Variants in IFT172 observed in about 807,000 individuals in gnomAD.
The protein encoded by IFT172 is intraflagellar transport protein 172 homolog.
In IFT172, 164 loss-of-function variants were observed where a neutral mutation model predicts 248.9. The ratio of observed to expected loss-of-function variants is 0.66; its 90% confidence interval spans 0.58 to 0.75. The LOEUF (loss-of-function observed/expected upper bound fraction) is 0.75. Ranked by LOEUF, IFT172 falls within the 30% of genes least tolerant of loss-of-function variation. The probability of loss-of-function intolerance (pLI) is 0.00; values close to 1 mark genes in which losing one functional copy is unlikely to be tolerated. For missense variants in IFT172, 1,950 were observed against 2,192.4 expected, an observed-to-expected ratio of 0.89 and a Z score of 2.21; for synonymous variants, 729 against 791.6, an observed-to-expected ratio of 0.92 and a Z score of 1.33.
Position 27,445,650 on chromosome 2 carries a change from G to A in IFT172, c.4914+95C>T. The A allele has an allele frequency of 1.4e-6, 2 of 1,465,630 alleles. No individual in the cohort carries two copies. Among genetic ancestry groups the A allele is most frequent in the Non-Finnish European group, 1.9e-6 (2 of 1,056,580 alleles). The allele number at this position is 1,465,630 out of a possible 1,614,324, so 90.8% of individuals were successfully genotyped here. A position where few individuals can be genotyped will look rare whatever the true frequency, so the allele number is the denominator to read the frequency against. ...TTTCACTGAAAAAACAGTGAGGGCT[G>A]AGGTCCTTCCAAAGATGGCAGCACA... is the stretch of plus-strand genomic sequence containing the variant. On this transcript the variant is annotated intron_variant, in intron 45 of 47. Transcript: ENST00000260570. This position sits in a 1 kb window ranked among gnomAD's most constrained non-coding sequence, Gnocchi z 4.4.
At chr2:27,453,881 T>A (rs918414737) in intron 33 of IFT172, 101 bp downstream of exon 33, 132 of 1,430,580 alleles carry the variant, frequency 9.2e-5, no homozygotes, top group Non-Finnish European at 1.2e-4. Context: ...TCCCCAATAC[T>A]AACCTCCCTG....
intron 14 of IFT172, 125 bp downstream of exon 14, chr2:27,476,516 G>A: frequency 3.1e-6 from 2 of 646,732 alleles, no homozygotes; most frequent in East Asian, 2.7e-5. Flanking sequence ...CACTGTACAT[G>A]TGGAGTTACT....
chr2:27,466,073 G>C, intron 16 of IFT172, 191 bp from the exon 17 acceptor site: 1 of 652,950 alleles, frequency 1.5e-6, no homozygotes, highest in Middle Eastern at 4.0e-4. Flanking sequence ...TTGGGTTAAA[G>C]TATACTCCTA....
chr2:27,469,603 G>A (rs143257537), intron 16 of IFT172, among the ~76,000 whole-genome samples: 62 of 152,270 alleles, frequency 4.1e-4, no homozygotes, highest in African/African-American at 1.4e-3. Flanking sequence ...AGGCCAAGGC[G>A]GGTGGATCAC....
Position 27,458,242 on chromosome 2 carries a change from A to G in IFT172, c.2878-19T>C. 2 of 1,606,594 alleles carry G rather than the reference A, an allele frequency of 1.2e-6. No homozygotes were observed. ...TCGCCAGCTGTGGAGGCACAGAGGC[A>G]AGGCAGCCTCAGATCCAATTCCCCA... On this transcript the variant is annotated intron_variant, in intron 26 of 47. Transcript: ENST00000260570.
chr2:27,453,775 A>G, intron 33 of IFT172, 36 bp from the exon 34 acceptor site: 1 of 1,578,262 alleles, frequency 6.3e-7, no homozygotes. Context: ...GGGCAGAGGC[A>G]GGCCTGACAG....
At chr2:27,487,088 G>A (rs897362670) in intron 1 of IFT172, among the ~76,000 whole-genome samples, 7 of 151,818 alleles carry the variant, frequency 4.6e-5, no homozygotes, top group East Asian at 1.9e-4. Context: ...GGCTATAGGC[G>A]TGTGCTACCA....
At chr2:27,476,314 A>G (rs1667949397) in intron 14 of IFT172, among the ~76,000 whole-genome samples, 1 of 152,148 alleles carries the variant, frequency 6.6e-6, no homozygotes, top group South Asian at 2.1e-4. Flanking sequence ...TCCATCATCT[A>G]GGCTGGAGTG....
At chr2:27,456,436 A>T in intron 30 of IFT172, 75 bp downstream of exon 30, 2 of 1,528,270 alleles carry the variant, frequency 1.3e-6, no homozygotes, top group East Asian at 2.3e-5. Flanking sequence ...TCTTTCAGTT[A>T]TACATCAATT....
rs1665424999 is a variant in IFT172, at chr2:27,449,094, G to A, written c.4312-63C>T. Reference sequence around the variant, plus strand: ...GATCGGCAAGACCAAGCAGTGAGGTGACTTGAGGCCATGTATTTGTTGAGG... The same window carrying A: ...GATCGGCAAGACCAAGCAGTGAGGTAACTTGAGGCCATGTATTTGTTGAGG... On this transcript the variant is annotated intron_variant, in intron 39 of 47. Coordinates refer to ENST00000260570, the MANE Select transcript of IFT172 (RefSeq NM_015662.3). The A allele has an allele frequency of 2.7e-6, 3 of 1,111,856 alleles. 1 individual carries two copies. The highest frequency in any genetic ancestry group is 3.1e-5 in the African/African-American group (2 of 65,474). The allele number at this position is 1,111,856 out of a possible 1,614,324, so 68.9% of individuals were successfully genotyped here.
intron 35 of IFT172, among the ~76,000 whole-genome samples, chr2:27,452,290 C>T (rs1441861087): frequency 6.6e-6 from 1 of 152,172 alleles, no homozygotes; most frequent in African/African-American, 2.4e-5. Context: ...CAGATTTGAA[C>T]TGAAACATCA....
In IFT172 at chr2:27,480,442, A is replaced by C. The variant is rs930135573; in HGVS notation, c.786-293T>G. Among the ~76,000 whole-genome samples, 14 of 152,290 alleles carry C rather than the reference A, an allele frequency of 9.2e-5. No individual in the cohort carries two copies. The South Asian group carries it at 1.2e-3, about 14-fold the overall frequency. ...CAAAAAAATATGGAACAAGGAGATAAATGGTAGGAGTCAGTGAAGAAAGAA... is the reference window on the plus strand; with the variant it reads ...CAAAAAAATATGGAACAAGGAGATACATGGTAGGAGTCAGTGAAGAAAGAA... On this transcript the variant is annotated intron_variant, in intron 8 of 47. Transcript: ENST00000260570.
At position 27,458,348 on chromosome 2, in the gene IFT172, C is replaced by T. The variant is rs1232821558; in HGVS notation, c.2878-125G>A. The T allele has an allele frequency of 9.1e-6, 7 of 765,524 alleles. No homozygotes were observed. The Admixed American group carries it at 1.4e-4, about 16-fold the overall frequency. 47.4% of individuals were successfully genotyped at this position (765,524 alleles called of 1,614,324 possible). ...AATCACAGGAGTTTGGGTATTGCCA[C>T]TCTACTAGTGAGGTTGGGGAATTCC... On this transcript the variant is annotated intron_variant, in intron 26 of 47. Coordinates refer to ENST00000260570, the MANE Select transcript of IFT172 (RefSeq NM_015662.3).
intron 36 of IFT172, 34 bp from the exon 37 acceptor site, chr2:27,449,834 C>G: frequency 6.5e-7 from 1 of 1,537,120 alleles, no homozygotes; most frequent in Non-Finnish European, 8.9e-7. Flanking sequence ...GAGACTTTCT[C>G]CTCGCTCCCA....
rs1290255701 is a variant in IFT172, at chr2:27,447,537, G to A, written c.4637C>T (p.Ala1546Val). 2 of 1,614,002 alleles carry A rather than the reference G, an allele frequency of 1.2e-6. No homozygotes were observed. ...LIAHYYATRSAAQSVKQLETV... is the reference protein window; with the variant it reads ...LIAHYYATRSVAQSVKQLETV... ...CACCAGCTGTTTGACACTCTGGGCT[G>A]CAGAGCGCGTGGCATAGTAATGAGC... The change falls in exon 42 of 48, where the codon GCA becomes GTA. Residue 1546 changes from alanine to valine, a missense_variant. Around this residue, in one of 3 missense-constraint regions of IFT172, gnomAD observed 620 missense variants for 699.0 expected, o/e 0.89. Transcript: ENST00000260570.
intron 35 of IFT172, 48 bp from the exon 36 acceptor site, chr2:27,450,144 G>T: frequency 7.3e-7 from 1 of 1,364,346 alleles, no homozygotes; most frequent in Non-Finnish European, 1.0e-6. Flanking sequence ...GACAAATACC[G>T]CTGAGTCCTC....
chr2:27,469,406 C>A (rs532550719), intron 16 of IFT172, among the ~76,000 whole-genome samples: 1 of 152,042 alleles, frequency 6.6e-6, no homozygotes, highest in African/African-American at 2.4e-5. Flanking sequence ...AAACAAAAAA[C>A]AGAAACAAAA....
In IFT172 at chr2:27,485,149, A is replaced by G. The variant is rs1572836924; in HGVS notation, c.184-19T>C. 1 of 1,515,576 alleles carries G rather than the reference A, an allele frequency of 6.6e-7. No individual in the cohort carries two copies. Among genetic ancestry groups the G allele is most frequent in the East Asian group, 2.2e-5 (1 of 44,464 alleles). The allele number at this position is 1,515,576 out of a possible 1,614,324, so 93.9% of individuals were successfully genotyped here. On this transcript the variant is annotated intron_variant, in intron 2 of 47. Transcript: ENST00000260570. ...TGCCATACTAAGAGTTTAAAAAAAA[A>G]AAAAGAAAGAAAAAGAAGTAATGAG...
intron 16 of IFT172, among the ~76,000 whole-genome samples, chr2:27,468,050 C>T (rs1667243803): frequency 6.6e-6 from 1 of 151,260 alleles, no homozygotes; most frequent in African/African-American, 2.4e-5. Flanking sequence ...GTTCCAGCTA[C>T]TTAGGAGGCT....
Sources: gnomAD v4.1 joint callset for allele counts (sites outside exome capture counted in the v4.1 genomes callset) on GRCh38, gnomAD v4.1.1 for gene constraint, gnomAD v4.1.1 regional missense constraint, Gnocchi (gnomAD v3.1) non-coding constraint, MANE v1.5 for transcripts, NCBI Gene and HGNC (gene_info 2026-07-23, HGNC 2026-07-21) for gene names.